ARID1A: variants seen among roughly 807,000 people sequenced by gnomAD.
ARID1A encodes the protein AT-rich interaction domain 1A.
In ARID1A, 20 loss-of-function variants were observed where a neutral mutation model predicts 212.6. The observed-to-expected ratio is 0.09, with a 90% confidence interval of 0.07 to 0.14. The LOEUF is 0.14. Among genes scored for constraint, ARID1A ranks in the 10% least tolerant of loss-of-function variants. The pLI, the probability that ARID1A is intolerant of heterozygous loss-of-function variation, is 1.00. For missense variants in ARID1A, 2,587 were observed against 3,059.0 expected, an observed-to-expected ratio of 0.85 and a Z score of 3.64; for synonymous variants, 1,376 against 1,222.1, an observed-to-expected ratio of 1.13 and a Z score of -2.63.
At position 26,762,969 on chromosome 1, in the gene ARID1A, C is replaced by T; in HGVS notation, c.2420-4C>T. ...AACCAAGTCTTGTCTTCCTCCCCTCCCAGGTGGCTACCCCAGGCAGCCAAA... is the reference window on the plus strand; with the variant it reads ...AACCAAGTCTTGTCTTCCTCCCCTCTCAGGTGGCTACCCCAGGCAGCCAAA... On this transcript the variant is annotated splice_region_variant and splice_polypyrimidine_tract_variant and intron_variant, in intron 7 of 19. Transcript: ENST00000324856. 1 of 1,577,848 alleles carries T rather than the reference C, an allele frequency of 6.3e-7. No homozygotes were observed. The highest frequency in any genetic ancestry group is 8.7e-7 in the Non-Finnish European group (1 of 1,153,500).
At chr1:26,764,262 G>A (rs1429857109) in intron 8 of ARID1A, 1 of 148,976 alleles carries the variant, frequency 6.7e-6, no homozygotes, top group Non-Finnish European at 1.5e-5. Context: ...ACCATGCCCG[G>A]CCTTTTTTTT....
At chr1:26,778,237 C>A (rs2081155687) in intron 19 of ARID1A, 1 of 151,176 alleles carries the variant, frequency 6.6e-6, no homozygotes, top group South Asian at 2.1e-4. Flanking sequence ...GTACTCCAGC[C>A]TGGATGACAG....
intron 4 of ARID1A, among the ~76,000 whole-genome samples, chr1:26,749,978 A>G (rs1267259425): frequency 6.6e-6 from 1 of 152,230 alleles, no homozygotes; most frequent in African/African-American, 2.4e-5. Flanking sequence ...TTTTGAGTAG[A>G]TAATTCATTG....
At chr1:26,697,727 G>T (rs564641233) in intron 1 of ARID1A, among the ~76,000 whole-genome samples, 187 bp downstream of exon 1, 1 of 151,882 alleles carries the variant, frequency 6.6e-6, no homozygotes, top group African/African-American at 2.4e-5. Context: ...CCCTCCTTCA[G>T]CCTTTGTGTT....
chr1:26,711,117 T>C (rs2080449662), intron 1 of ARID1A, among the ~76,000 whole-genome samples: 1 of 151,412 alleles, frequency 6.6e-6, no homozygotes, highest in African/African-American at 2.4e-5. Context: ...TCTTGCTCTT[T>C]TTTTTTTTTG....
In ARID1A at chr1:26,761,227, GAGA is replaced by G. The variant is rs577906601; in HGVS notation, c.2161+134_2161+136del. 7.9e-5 allele frequency: 117 copies of G among 1,482,946 alleles called. No individual in the cohort carries two copies. The African/African-American group carries it at 1.5e-3, about 18-fold the overall frequency. The allele number at this position is 1,482,946 out of a possible 1,614,324, so 91.9% of individuals were successfully genotyped here. ...CTGCATAGTTTCCCCTTAGCATTTG[GAGA>G]AGGAGATTGGAACCTGTTGGCTGGA... On this transcript the variant is annotated intron_variant, in intron 5 of 19. Transcript: ENST00000324856.
intron 1 of ARID1A, among the ~76,000 whole-genome samples, chr1:26,697,788 C>T (rs2080290991): frequency 6.8e-6 from 1 of 147,578 alleles, no homozygotes; most frequent in Admixed American, 7.0e-5. Context: ...CTGGTCCCTT[C>T]GAACTCCAGG....
At chr1:26,700,972 C>T (rs981155690) in intron 1 of ARID1A, among the ~76,000 whole-genome samples, 10 of 152,200 alleles carry the variant, frequency 6.6e-5, no homozygotes, top group African/African-American at 2.2e-4. Flanking sequence ...GTATTGGGCC[C>T]TGTGAGGACT....
chr1:26,712,070 G>A (rs1040103660), intron 1 of ARID1A, among the ~76,000 whole-genome samples: 10 of 151,790 alleles, frequency 6.6e-5, no homozygotes, highest in Non-Finnish European at 1.0e-4. Flanking sequence ...GACACAGCAA[G>A]ACCCTGTCTA....
intron 1 of ARID1A, among the ~76,000 whole-genome samples, chr1:26,700,089 C>G (rs923240051): frequency 2.0e-5 from 3 of 152,160 alleles, no homozygotes; most frequent in African/African-American, 7.2e-5. Flanking sequence ...GGCTGGTGAG[C>G]ATTCAGTTGT....
At chr1:26,698,304 C>T (rs2080299056) in intron 1 of ARID1A, among the ~76,000 whole-genome samples, 1 of 152,236 alleles carries the variant, frequency 6.6e-6, no homozygotes, top group African/African-American at 2.4e-5. Flanking sequence ...ATCTCCTGCT[C>T]TTGGCCATTT....
chr1:26,710,490 T>TACAC (rs1291075615), intron 1 of ARID1A, among the ~76,000 whole-genome samples: 555 of 9,704 alleles, frequency 0.057, 4 homozygotes, highest in African/African-American at 0.16. Context: ...AATAAAATAA[T>TACAC]ACATACACAC....
In ARID1A at chr1:26,774,626, C is replaced by T. The variant is rs1199392264; in HGVS notation, c.4399C>T (p.Pro1467Ser). ...FQFGRDRVSA[P>S]PGTNAQQNMP... ...GTTTGGCCGAGACCGTGTCTCTGCA[C>T]CCCCTGGCACCAATGCCCAGCAAAA... The change falls in exon 18 of 20, where the codon CCC becomes TCC. Residue 1467 changes from proline to serine, a missense_variant. By Grantham distance (74) the Pro-to-Ser change is moderately conservative. This residue lies in a region of ARID1A where 890 missense variants were observed against 1,098.2 expected (regional missense o/e 0.81). Coordinates refer to ENST00000324856, the MANE Select transcript of ARID1A (RefSeq NM_006015.6). This position sits in a 1 kb window ranked among gnomAD's most constrained non-coding sequence, Gnocchi z 5.6. 1 of 1,614,212 alleles carries T rather than the reference C, an allele frequency of 6.2e-7. No individual in the cohort carries two copies. The highest frequency in any genetic ancestry group is 8.5e-7 in the Non-Finnish European group (1 of 1,180,026).
At chr1:26,707,291 C>T (rs760590680) in intron 1 of ARID1A, among the ~76,000 whole-genome samples, 1 of 146,602 alleles carries the variant, frequency 6.8e-6, no homozygotes, top group Non-Finnish European at 1.5e-5. Flanking sequence ...TCACTGCAAC[C>T]TCCGTCTCCC....
intron 1 of ARID1A, among the ~76,000 whole-genome samples, chr1:26,726,041 G>T (rs1438111374): frequency 6.6e-6 from 1 of 151,840 alleles, no homozygotes; most frequent in East Asian, 1.9e-4. Flanking sequence ...TTTTAGTAGA[G>T]ACGGGGTTTC....
At position 26,697,113 on chromosome 1, in the gene ARID1A, G is replaced by T; in HGVS notation, c.710G>T (p.Gly237Val). 6.9e-7 allele frequency: 1 copy of T among 1,449,176 alleles called. No individual in the cohort carries two copies. The highest frequency in any genetic ancestry group is 1.5e-5 in the South Asian group (1 of 68,362). The allele number at this position is 1,449,176 out of a possible 1,614,324, so 89.8% of individuals were successfully genotyped here. The change falls in exon 1 of 20, where the codon GGC becomes GTC. Residue 237 changes from glycine to valine, a missense_variant. Gly to Val is a moderately radical substitution (Grantham distance 109, BLOSUM62 -3). Transcript: ENST00000324856. ...TACGCGCTGAGCTCCCCGAGAGGTG[G>T]CACTCCGGGCTCCGGCGCGGCGGCG... The part of the protein sequence containing the change: ...PAYALSSPRG[G>V]TPGSGAAAAA...
chr1:26,777,521 C>T (rs967548327), intron 19 of ARID1A, among the ~76,000 whole-genome samples: 13 of 151,884 alleles, frequency 8.6e-5, no homozygotes, highest in African/African-American at 2.7e-4. Context: ...TGTGAGCCAC[C>T]GTTCCAGGCC....
intron 1 of ARID1A, among the ~76,000 whole-genome samples, chr1:26,706,864 CT>C (rs559028022): frequency 1.1e-3 from 163 of 152,308 alleles, no homozygotes; most frequent in Non-Finnish European, 2.0e-3. Flanking sequence ...TTATGTGAAA[CT>C]CTTGGTAATT....
intron 4 of ARID1A, among the ~76,000 whole-genome samples, chr1:26,741,890 G>A (rs1487827745): frequency 6.6e-6 from 1 of 152,204 alleles, no homozygotes; most frequent in Admixed American, 6.5e-5. Context: ...CTAGAAAGAG[G>A]AAATGCGAGG....
Sources: gnomAD v4.1 joint callset for allele counts (sites outside exome capture counted in the v4.1 genomes callset) on GRCh38, gnomAD v4.1.1 for gene constraint, gnomAD v4.1.1 regional missense constraint, Gnocchi (gnomAD v3.1) non-coding constraint, MANE v1.5 for transcripts, NCBI Gene and HGNC (gene_info 2026-07-23, HGNC 2026-07-21) for gene names.